Variants in PSPH observed in about 807,000 individuals in gnomAD.
PSPH encodes the protein L-3-phosphoserine phosphatase.
A neutral mutation model predicts 23.4 loss-of-function variants in PSPH; 16 were observed. The observed-to-expected ratio is 0.68, with a 90% CI of 0.46 to 1.04. PSPH has a LOEUF of 1.04. PSPH is among the 50% of genes least tolerant of loss of function. The pLI is 0.00. For missense variants in PSPH, 223 were observed against 273.7 expected (o/e 0.81, Z 1.31); for synonymous variants, 68 against 99.7 (o/e 0.68, Z 1.89).
At chr7:56,049,258 G>C (rs1435588545) in intron 1 of PSPH, among the ~76,000 whole-genome samples, 1 of 151,742 alleles carries the variant, frequency 6.6e-6, no homozygotes, top group Non-Finnish European at 1.5e-5. Flanking sequence ...GCTTGCATTA[G>C]GTATTTGTCT....
At chr7:56,041,152 C>A (rs138875516) in intron 1 of PSPH, among the ~76,000 whole-genome samples, 31 of 152,034 alleles carry the variant, frequency 2.0e-4, no homozygotes, top group Middle Eastern at 6.8e-3. Flanking sequence ...TTGCTTGAGC[C>A]CAGGAATGCA....
At chr7:56,020,379 C>A (rs533886233) in intron 4 of PSPH, among the ~76,000 whole-genome samples, 100 of 152,284 alleles carry the variant, frequency 6.6e-4, no homozygotes, top group African/African-American at 2.2e-3. Flanking sequence ...GTAATCCCAG[C>A]ACTTTGGTAG....
chr7:56,023,221 C>G (rs1287622800), intron 3 of PSPH, among the ~76,000 whole-genome samples: 2 of 151,910 alleles, frequency 1.3e-5, no homozygotes, highest in African/African-American at 4.8e-5. Context: ...ACTCTGGAAG[C>G]CACACTGCTA....
At chr7:56,021,530 T>A (rs2116688184) in intron 3 of PSPH, among the ~76,000 whole-genome samples, 1 of 151,918 alleles carries the variant, frequency 6.6e-6, no homozygotes, top group Admixed American at 6.6e-5. Flanking sequence ...GTGATTCTCC[T>A]GCCTCAGCCT....
At chr7:56,019,807 G>C (rs761473648) in intron 4 of PSPH, 73 bp from the exon 5 acceptor site, 2 of 1,590,066 alleles carry the variant, frequency 1.3e-6, no homozygotes, top group Non-Finnish European at 1.7e-6. Flanking sequence ...ACTGCCCCGG[G>C]TCTGCACGAC....
Position 56,016,767 on chromosome 7 carries a change from G to A in PSPH, c.421+467C>T, listed in dbSNP as rs182824592. ...TGTATTTTTTTTTTTAGCAGAGTTG[G>A]GGTTCCACCATGTTGGCCAGGCTGG... On this transcript the variant is annotated intron_variant, in intron 6 of 7. Transcript: ENST00000275605. Among the ~76,000 whole-genome samples the A allele has an allele frequency of 5.5e-3, 832 of 151,898 alleles. 8 individuals carry two copies. The highest frequency in any genetic ancestry group is 0.019 in the African/African-American group (795 of 41,454).
At position 56,011,602 on chromosome 7, in the gene PSPH, A is replaced by AG; in HGVS notation, c.*159_*160insC. The AG allele has an allele frequency of 1.7e-6, 1 of 598,854 alleles. No homozygotes were observed. Among genetic ancestry groups the AG allele is most frequent in the East Asian group, 2.9e-5 (1 of 34,774 alleles). The allele number at this position is 598,854 out of a possible 1,614,324, so 37.1% of individuals were successfully genotyped here. A position where few individuals can be genotyped will look rare whatever the true frequency, so the allele number is the denominator to read the frequency against. On this transcript the variant is annotated 3_prime_UTR_variant, in exon 8 of 8. Transcript: ENST00000275605. Reference sequence around the variant, plus strand: ...TGGAACTACAGTTAAAAAAAAAAAAAAAGCAATCTTCTAGGATTCCTAACT... The same window carrying AG: ...TGGAACTACAGTTAAAAAAAAAAAAAGAAGCAATCTTCTAGGATTCCTAACT...
intron 4 of PSPH, among the ~76,000 whole-genome samples, chr7:56,020,473 A>G (rs373765833): frequency 6.6e-6 from 1 of 151,552 alleles, no homozygotes; most frequent in East Asian, 2.0e-4. Context: ...AAAAATACAA[A>G]AATTAGCCGA....
Position 56,021,214 on chromosome 7 carries a change from G to A in PSPH, c.-2C>T, listed in dbSNP as rs201445503. On this transcript the variant is annotated 5_prime_UTR_variant, in exon 4 of 8. Coordinates refer to ENST00000275605, the MANE Select transcript of PSPH (RefSeq NM_004577.4). ...CCTCAGCTCTGAGTGGGAGACCATC[G>A]CTGGAAGAATTTTCCTCCTACAAGA... 1.1e-5 allele frequency: 17 copies of A among 1,558,376 alleles called. No individual in the cohort carries two copies. The highest frequency in any genetic ancestry group is 6.8e-5 in the African/African-American group (5 of 73,042).
chr7:56,026,488 CAA>C (rs56089644), intron 3 of PSPH, among the ~76,000 whole-genome samples: 807 of 70,336 alleles, frequency 0.011, 1 homozygote, highest in Non-Finnish European at 0.015. Context: ...GACTCCATCT[CAA>C]AAAAAAAAAA....
chr7:56,029,586 C>T (rs1028034131), intron 3 of PSPH, among the ~76,000 whole-genome samples: 7 of 151,306 alleles, frequency 4.6e-5, no homozygotes, highest in Admixed American at 6.6e-5. Context: ...GGCCAGCCTT[C>T]GGAGGTCTGA....
At chr7:56,029,793 C>T (rs1562807738) in intron 3 of PSPH, among the ~76,000 whole-genome samples, 2 of 151,912 alleles carry the variant, frequency 1.3e-5, no homozygotes. Flanking sequence ...GAGAACCAAG[C>T]TTATTTGCTT....
At chr7:56,015,703 G>A (rs1788469382) in intron 6 of PSPH, among the ~76,000 whole-genome samples, 1 of 152,096 alleles carries the variant, frequency 6.6e-6, no homozygotes, top group Non-Finnish European at 1.5e-5. Context: ...CTGTTGCCCA[G>A]GCTGGAGTGC....
chr7:56,042,599 C>T (rs1416848523), intron 1 of PSPH, among the ~76,000 whole-genome samples: 3 of 148,656 alleles, frequency 2.0e-5, no homozygotes, highest in Non-Finnish European at 4.4e-5. Flanking sequence ...TGCAGTGAGA[C>T]ATGTTCGTGC....
intron 1 of PSPH, among the ~76,000 whole-genome samples, chr7:56,048,543 A>C (rs1362857313): frequency 6.6e-6 from 1 of 152,218 alleles, no homozygotes; most frequent in Admixed American, 6.5e-5. Context: ...TGGATCCGGC[A>C]TCACTGTAAT....
intron 1 of PSPH, among the ~76,000 whole-genome samples, chr7:56,045,489 A>C (rs1319181034): frequency 6.6e-6 from 1 of 152,072 alleles, no homozygotes; most frequent in African/African-American, 2.4e-5. Context: ...GAAAAAATTA[A>C]TAGAAAATTA....
intron 3 of PSPH, among the ~76,000 whole-genome samples, chr7:56,025,387 G>A (rs1790046255): frequency 1.3e-5 from 2 of 151,350 alleles, no homozygotes; most frequent in South Asian, 4.2e-4. Context: ...AGCCTCCTGA[G>A]CAGCTGGGAC....
intron 5 of PSPH, among the ~76,000 whole-genome samples, chr7:56,018,364 A>C (rs937331185): frequency 1.1e-4 from 17 of 152,144 alleles, no homozygotes; most frequent in Non-Finnish European, 1.6e-4. Flanking sequence ...ACAACAAAAA[A>C]AAAACAATGG....
intron 1 of PSPH, among the ~76,000 whole-genome samples, chr7:56,034,693 T>A (rs1314781020): frequency 2.7e-5 from 4 of 149,810 alleles, no homozygotes; most frequent in Non-Finnish European, 4.5e-5. Flanking sequence ...TTTTTTGTAT[T>A]TTTTAATAGA....
Sources: gnomAD v4.1 joint callset for allele counts (sites outside exome capture counted in the v4.1 genomes callset) on GRCh38, gnomAD v4.1.1 for gene constraint, MANE v1.5 for transcripts, NCBI Gene and HGNC (gene_info 2026-07-23, HGNC 2026-07-21) for gene names.